The following EXD3 variants were observed in gnomAD, a reference collection of about 807,000 sequenced individuals.
EXD3 encodes exonuclease 3'-5' domain containing 3.
EXD3 carries 92 observed loss-of-function variants against 98.0 expected under a neutral mutation model. That is an observed-to-expected ratio of 0.94 (90% CI 0.79 to 1.12). The LOEUF is 1.12. Ranked by LOEUF, EXD3 falls within the 50% of genes most tolerant of loss-of-function variation. The pLI is 0.00. For synonymous variants in EXD3, 569 were observed against 526.0 expected, an observed-to-expected ratio of 1.08 and a Z score of -1.12; for missense variants, 1,222 against 1,191.6, an observed-to-expected ratio of 1.03 and a Z score of -0.38.
At chr9:137,406,861 C>T (rs1280336118) in intron 1 of EXD3, among the ~76,000 whole-genome samples, 6 of 152,090 alleles carry the variant, frequency 3.9e-5, no homozygotes, top group Non-Finnish European at 2.9e-5. Context: ...AGGAGTGCAG[C>T]CCGTCCCCCC....
At chr9:137,386,732 C>G (rs1042351198) in intron 2 of EXD3, among the ~76,000 whole-genome samples, 1 of 152,092 alleles carries the variant, frequency 6.6e-6, no homozygotes, top group African/African-American at 2.4e-5. Flanking sequence ...TTCTCGAGCA[C>G]CCAGCAGCCT....
chr9:137,315,870 A>G (rs925191657), intron 19 of EXD3, among the ~76,000 whole-genome samples: 15 of 151,388 alleles, frequency 9.9e-5, no homozygotes, highest in African/African-American at 3.6e-4. Flanking sequence ...CGGGCCACAC[A>G]GGGTCCCAAC....
intron 5 of EXD3, among the ~76,000 whole-genome samples, chr9:137,368,428 C>T (rs1474424715): frequency 6.6e-6 from 1 of 152,198 alleles, no homozygotes; most frequent in African/African-American, 2.4e-5. Context: ...CTGAGGACCC[C>T]CAGCCTCAGC....
At chr9:137,321,464 C>T (rs999105515) in intron 19 of EXD3, among the ~76,000 whole-genome samples, 4 of 152,142 alleles carry the variant, frequency 2.6e-5, no homozygotes, top group African/African-American at 9.7e-5. Flanking sequence ...AGGAAGATCA[C>T]CTGAGGTCAG....
chr9:137,326,547 C>T (rs1016881890), intron 17 of EXD3, among the ~76,000 whole-genome samples: 4 of 152,002 alleles, frequency 2.6e-5, no homozygotes, highest in Non-Finnish European at 5.9e-5. Context: ...AAACAGTTGG[C>T]AAAGGACTTA....
intron 3 of EXD3, among the ~76,000 whole-genome samples, chr9:137,373,857 G>GC (rs1178811136): frequency 6.6e-6 from 1 of 152,340 alleles, no homozygotes; most frequent in African/African-American, 2.4e-5. Context: ...CAGACAGAGG[G>GC]CCGCTGGCCT....
chr9:137,401,479 C>T (rs148044600), intron 1 of EXD3, among the ~76,000 whole-genome samples: 1 of 152,162 alleles, frequency 6.6e-6, no homozygotes, highest in East Asian at 1.9e-4. Context: ...TTCTGCACTG[C>T]CCTAGCAGAG....
At chr9:137,422,595 G>A (rs1209149160) in intron 1 of EXD3, among the ~76,000 whole-genome samples, 1 of 152,182 alleles carries the variant, frequency 6.6e-6, no homozygotes, top group Admixed American at 6.5e-5. Context: ...CTCGACCTCT[G>A]TGCCTGAATA....
intron 12 of EXD3, among the ~76,000 whole-genome samples, chr9:137,351,818 T>A (rs1220778745): frequency 1.3e-5 from 2 of 152,266 alleles, no homozygotes; most frequent in African/African-American, 4.8e-5. Context: ...TCGGGCACCA[T>A]CTGTAAAATG....
At chr9:137,392,686 G>T (rs990205388) in intron 2 of EXD3, 3 of 345,870 alleles carry the variant, frequency 8.7e-6, no homozygotes, top group Middle Eastern at 1.0e-3. Context: ...TGTTCCAGGG[G>T]GTGCTGTGTC....
chr9:137,330,621 GGAA>G (rs1473557214), intron 17 of EXD3, among the ~76,000 whole-genome samples: 5,611 of 146,682 alleles, frequency 0.038, 999 homozygotes, highest in African/African-American at 0.12. Context: ...GGACTACACA[GGAA>G]CTACACAGGA....
intron 17 of EXD3, among the ~76,000 whole-genome samples, chr9:137,328,391 T>G (rs113676103): frequency 2.0e-5 from 3 of 148,342 alleles, no homozygotes; most frequent in African/African-American, 7.8e-5. Flanking sequence ...TAAAAACAAC[T>G]AATATACACT....
At chr9:137,350,827 G>T (rs958850218) in intron 14 of EXD3, among the ~76,000 whole-genome samples, 1 of 152,078 alleles carries the variant, frequency 6.6e-6, no homozygotes, top group Non-Finnish European at 1.5e-5. Context: ...AGGGGCTCAG[G>T]GATGCCTGCA....
At chr9:137,388,002 A>ACCCTGGG (rs1331716966) in intron 2 of EXD3, among the ~76,000 whole-genome samples, 1 of 152,194 alleles carries the variant, frequency 6.6e-6, no homozygotes, top group African/African-American at 2.4e-5. Context: ...CTGACCCTGG[A>ACCCTGGG]CCCTGCCCCT....
intron 7 of EXD3, among the ~76,000 whole-genome samples, chr9:137,363,814 TC>T (rs891661462): frequency 6.3e-4 from 96 of 152,294 alleles, no homozygotes; most frequent in African/African-American, 2.0e-3. Context: ...ATTGTATTTT[TC>T]AAGAATTTGG....
chr9:137,373,893 A>G (rs2131686460), intron 3 of EXD3, among the ~76,000 whole-genome samples: 1 of 152,374 alleles, frequency 6.6e-6, no homozygotes, highest in Non-Finnish European at 1.5e-5. Context: ...CCCGAGCCAC[A>G]GGTTCACAAG....
rs1332450156 is a variant in EXD3 at position 137,354,346 on chromosome 9, T to A, written c.863A>T (p.His288Leu). The A allele has an allele frequency of 6.2e-7, 1 of 1,612,236 alleles. No homozygotes were observed. The highest frequency in any genetic ancestry group is 1.3e-5 in the African/African-American group (1 of 74,930). Residue 288 changes from histidine (H) to leucine (L), a missense_variant, in exon 10 of 22, where the codon CAT becomes CTT. Transcript: ENST00000340951. ...KSLSQENWTDHVQGLVGQSPW... is the reference protein window; with the variant it reads ...KSLSQENWTDLVQGLVGQSPW... ...GCAAGGGCACGAACTCACCTGCACA[T>A]GGTCGGTCCAGTTCTCCTGTGACAG... is the stretch of plus-strand genomic sequence containing the variant.
chr9:137,396,721 G>A (rs756498163), intron 1 of EXD3, among the ~76,000 whole-genome samples: 62 of 152,362 alleles, frequency 4.1e-4, no homozygotes, highest in Middle Eastern at 3.4e-3. Flanking sequence ...TCCCAGCCGC[G>A]TCACATGGAG....
intron 1 of EXD3, among the ~76,000 whole-genome samples, chr9:137,401,962 G>A (rs535663860): frequency 8.5e-5 from 13 of 152,272 alleles, no homozygotes; most frequent in South Asian, 2.1e-4. Flanking sequence ...TTTCTACTGC[G>A]TCAGGTTGCA....
Sources: allele counts gnomAD v4.1 joint callset (sites outside exome capture counted in the v4.1 genomes callset), GRCh38; gene constraint gnomAD v4.1.1; transcripts MANE v1.5; gene names NCBI Gene and HGNC (gene_info 2026-07-23, HGNC 2026-07-21).